PTPRD: variants seen among roughly 807,000 people sequenced by gnomAD.
PTPRD encodes protein tyrosine phosphatase receptor type D.
A neutral mutation model predicts 214.5 loss-of-function variants in PTPRD; 34 were observed. The ratio of observed to expected loss-of-function variants is 0.16; its 90% CI spans 0.12 to 0.21. PTPRD has a LOEUF of 0.21. Among genes scored for constraint, PTPRD ranks in the 10% least tolerant of loss-of-function variants. The probability of loss-of-function intolerance (pLI) is 1.00; values close to 1 mark genes in which losing one functional copy is unlikely to be tolerated. For missense variants in PTPRD, 2,545 were observed against 2,398.7 expected, an observed-to-expected ratio of 1.06 and a Z score of -1.27; for synonymous variants, 1,128 against 845.7, an observed-to-expected ratio of 1.33 and a Z score of -5.79.
chr9:10,346,038 A>G (rs1032085656), intron 2 of PTPRD, among the ~76,000 whole-genome samples: 14 of 152,180 alleles, frequency 9.2e-5, no homozygotes, highest in African/African-American at 2.9e-4. Context: ...CCTCTTTCAT[A>G]TATGACAACA....
At chr9:9,168,968 T>A (rs1427402259) in intron 10 of PTPRD, among the ~76,000 whole-genome samples, 2 of 151,896 alleles carry the variant, frequency 1.3e-5, no homozygotes, top group Non-Finnish European at 2.9e-5. Flanking sequence ...AATTTGGATA[T>A]ATACTTTTTA....
intron 3 of PTPRD, among the ~76,000 whole-genome samples, chr9:10,127,417 A>C (rs957174652): frequency 3.9e-5 from 6 of 152,168 alleles, no homozygotes; most frequent in Admixed American, 1.3e-4. Context: ...TAGGATAGTC[A>C]CTTATATTCA....
At chr9:10,466,025 A>G (rs1003518191) in intron 2 of PTPRD, among the ~76,000 whole-genome samples, 3 of 152,208 alleles carry the variant, frequency 2.0e-5, no homozygotes, top group East Asian at 1.9e-4. Context: ...GGAGAAATGA[A>G]TGAGCGAAAC....
intron 2 of PTPRD, among the ~76,000 whole-genome samples, chr9:10,523,003 A>C (rs748103574): frequency 6.6e-6 from 1 of 152,056 alleles, no homozygotes; most frequent in Non-Finnish European, 1.5e-5. Flanking sequence ...ACTAGTTTAC[A>C]ATCAATTTTT....
intron 7 of PTPRD, among the ~76,000 whole-genome samples, chr9:9,646,872 G>C (rs778865207): frequency 6.6e-6 from 1 of 152,164 alleles, no homozygotes. Context: ...CAATAATGTG[G>C]TCTTTCTCTC....
chr9:8,787,520 C>A (rs1432043661), intron 11 of PTPRD, among the ~76,000 whole-genome samples: 1 of 151,914 alleles, frequency 6.6e-6, no homozygotes, highest in Admixed American at 6.6e-5. Context: ...GGGGTGTACA[C>A]AATAATCTAT....
chr9:9,947,610 AT>A (rs2092949848), intron 4 of PTPRD, among the ~76,000 whole-genome samples: 1 of 55,998 alleles, frequency 1.8e-5, no homozygotes, highest in African/African-American at 8.2e-5. Context: ...TATATATTTT[AT>A]ATATATATAT....
chr9:8,531,471 A>C (rs1302884582), intron 14 of PTPRD, among the ~76,000 whole-genome samples: 2 of 152,126 alleles, frequency 1.3e-5, no homozygotes, highest in Admixed American at 1.3e-4. Flanking sequence ...AAAGTGCTTC[A>C]AAGGATAAAA....
intron 44 of PTPRD, among the ~76,000 whole-genome samples, chr9:8,328,861 T>C (rs1836726481): frequency 6.6e-6 from 1 of 152,154 alleles, no homozygotes; most frequent in Non-Finnish European, 1.5e-5. Context: ...TCTTGTGCTG[T>C]GTTTTTCAGC....
At position 10,158,070 on chromosome 9, in the gene PTPRD, G is replaced by A. The variant is rs144737905; in HGVS notation, c.-544-124280C>T. Among the ~76,000 whole-genome samples the A allele has an allele frequency of 4.1e-3, 625 of 152,018 alleles. 5 individuals are homozygous for A. Among genetic ancestry groups the A allele is most frequent in the African/African-American group, 0.014 (578 of 41,470 alleles). On this transcript the variant is annotated intron_variant, in intron 3 of 45. Transcript: ENST00000381196. ...GTTGCCCAGGCTGGAGTGCAATGGC[G>A]CGATAACAGCTCACTACAACCTCCT... is the stretch of plus-strand genomic sequence containing the variant.
intron 10 of PTPRD, among the ~76,000 whole-genome samples, chr9:9,054,608 G>A (rs1283781120): frequency 6.6e-6 from 1 of 152,126 alleles, no homozygotes; most frequent in Admixed American, 6.5e-5. Flanking sequence ...ATTCTCTTAT[G>A]CCCTGTTACT....
intron 2 of PTPRD, among the ~76,000 whole-genome samples, chr9:10,561,932 T>C (rs955997480): frequency 6.6e-6 from 1 of 152,178 alleles, no homozygotes; most frequent in Non-Finnish European, 1.5e-5. Flanking sequence ...CAGAGGTCAA[T>C]TAATGCCACA....
intron 39 of PTPRD, among the ~76,000 whole-genome samples, chr9:8,360,936 A>G (rs755167297): frequency 3.0e-4 from 45 of 152,352 alleles, no homozygotes; most frequent in Admixed American, 6.5e-4. Context: ...ACCCCCCTGC[A>G]TCAATTAATA....
intron 11 of PTPRD, among the ~76,000 whole-genome samples, chr9:8,838,197 C>T (rs950521763): frequency 6.6e-6 from 1 of 151,700 alleles, no homozygotes; most frequent in African/African-American, 2.4e-5. Context: ...AACCAGATAC[C>T]CATGAACAGA....
At chr9:9,463,140 T>C (rs938578044) in intron 8 of PTPRD, among the ~76,000 whole-genome samples, 2 of 152,120 alleles carry the variant, frequency 1.3e-5, no homozygotes, top group Non-Finnish European at 2.9e-5. Flanking sequence ...GTCCTGGTAT[T>C]AATTCAACTT....
At chr9:8,342,722 C>G (rs1280985867) in intron 39 of PTPRD, among the ~76,000 whole-genome samples, 1 of 151,982 alleles carries the variant, frequency 6.6e-6, no homozygotes, top group South Asian at 2.1e-4. Flanking sequence ...TTTCTTCATT[C>G]AATAAACAAT....
chr9:9,947,473 ATATATATTTTATATATAT>A (rs2092831854), intron 4 of PTPRD, among the ~76,000 whole-genome samples: 5 of 32,814 alleles, frequency 1.5e-4, no homozygotes, highest in East Asian at 2.2e-3. Context: ...ACTATATATT[ATATATATTTTATATATAT>A]TATATATATT....
chr9:8,484,476 T>C (rs746710552), intron 29 of PTPRD, 98 bp from the exon 30 acceptor site: 15 of 1,202,490 alleles, frequency 1.2e-5, no homozygotes, highest in Admixed American at 2.8e-5. Context: ...AATGTATATA[T>C]AGTCAATTCT....
In PTPRD at chr9:8,792,059, G is replaced by C. The variant is rs796867271; in HGVS notation, c.-103-58113C>G. Among the ~76,000 whole-genome samples, 74 of 152,224 alleles carry C rather than the reference G, an allele frequency of 4.9e-4. 2 individuals are homozygous for C. Among genetic ancestry groups the C allele is most frequent in the African/African-American group, 1.7e-3 (72 of 41,544 alleles). ...CTGTCACAATCATTTCTTAAGGGCG[G>C]AAAAAAAGCTGAAATAGTTCGTTTT... On this transcript the variant is annotated intron_variant, in intron 11 of 45. Coordinates refer to ENST00000381196, the MANE Select transcript of PTPRD (RefSeq NM_002839.4).
Sources: gnomAD v4.1 joint callset for allele counts (sites outside exome capture counted in the v4.1 genomes callset) on GRCh38, gnomAD v4.1.1 for gene constraint, MANE v1.5 for transcripts, NCBI Gene and HGNC (gene_info 2026-07-23, HGNC 2026-07-21) for gene names.